VPS54: variants seen among roughly 807,000 people sequenced by gnomAD.
The protein encoded by VPS54 is vacuolar protein sorting-associated protein 54.
Under a neutral mutation model 121.5 loss-of-function variants are expected in VPS54, and 45 were observed. That is an observed-to-expected ratio of 0.37 (90% CI 0.29 to 0.47). VPS54 has a LOEUF of 0.47. Ranked by LOEUF, VPS54 falls within the 20% of genes least tolerant of loss-of-function variation. VPS54 has a pLI of 0.99. For synonymous variants in VPS54, 371 were observed against 385.8 expected (o/e 0.96, Z 0.45); for missense variants, 1,090 against 1,131.4 (o/e 0.96, Z 0.52).
intron 12 of VPS54, among the ~76,000 whole-genome samples, chr2:63,933,095 A>C (rs1213938140): frequency 6.6e-6 from 1 of 152,192 alleles, no homozygotes; most frequent in African/African-American, 2.4e-5. Flanking sequence ...GTAAAGTATT[A>C]ACACCTGGGG....
chr2:63,988,999 G>A (rs539466756), intron 1 of VPS54, among the ~76,000 whole-genome samples: 37 of 152,248 alleles, frequency 2.4e-4, no homozygotes, highest in East Asian at 1.7e-3. Flanking sequence ...ATGCATTCTC[G>A]GCCGGGAAGG....
In VPS54 at chr2:63,910,197, T is replaced by C. The variant is rs188417169; in HGVS notation, c.2625+2148A>G. On this transcript the variant is annotated intron_variant, in intron 20 of 22. Transcript: ENST00000272322. Reference sequence around the variant, plus strand: ...CAGGGTCAAACTCCTGAGCAACACATGAAAGCAAACAGAATAGGGAGTGGC... The same window carrying C: ...CAGGGTCAAACTCCTGAGCAACACACGAAAGCAAACAGAATAGGGAGTGGC... Among the ~76,000 whole-genome samples the C allele has an allele frequency of 1.2e-4, 19 of 152,196 alleles. No homozygotes were observed. In the East Asian group the frequency reaches 2.5e-3, roughly 20 times the overall value.
chr2:63,897,996 G>A (rs1430911784), intron 21 of VPS54, among the ~76,000 whole-genome samples: 1 of 152,126 alleles, frequency 6.6e-6, no homozygotes, highest in Non-Finnish European at 1.5e-5. Flanking sequence ...TGCATGCAAT[G>A]ACCCAATATT....
chr2:63,970,437 T>C (rs1220752676), intron 4 of VPS54, among the ~76,000 whole-genome samples: 1 of 151,824 alleles, frequency 6.6e-6, no homozygotes, highest in East Asian at 1.9e-4. Flanking sequence ...ATTCTTCCAC[T>C]CTGTTCCCTG....
chr2:63,953,184 T>C (rs1675337665), intron 7 of VPS54, among the ~76,000 whole-genome samples: 1 of 146,856 alleles, frequency 6.8e-6, no homozygotes, highest in Non-Finnish European at 1.5e-5. Flanking sequence ...TAGGCTGGAG[T>C]GTAGTGGTGC....
chr2:63,949,856 T>C (rs906366515), intron 7 of VPS54, among the ~76,000 whole-genome samples: 7 of 152,242 alleles, frequency 4.6e-5, no homozygotes, highest in African/African-American at 1.7e-4. Context: ...CCATTTGCTT[T>C]AGTTTCAGTG....
intron 1 of VPS54, among the ~76,000 whole-genome samples, chr2:63,998,541 G>A (rs1421808748): frequency 6.6e-6 from 1 of 151,688 alleles, no homozygotes; most frequent in African/African-American, 2.4e-5. Flanking sequence ...TTAATGTCTT[G>A]GTTTCTTAAT....
At chr2:63,995,453 G>C (rs1429075094) in intron 1 of VPS54, among the ~76,000 whole-genome samples, 1 of 152,238 alleles carries the variant, frequency 6.6e-6, no homozygotes, top group East Asian at 1.9e-4. Context: ...AAGTGTTACA[G>C]CGAATTCTTT....
intron 22 of VPS54, among the ~76,000 whole-genome samples, chr2:63,895,630 TTA>T (rs1194837622): frequency 1.3e-5 from 2 of 152,182 alleles, no homozygotes; most frequent in African/African-American, 4.8e-5. Context: ...ATAGTTAATT[TTA>T]TGTTATGTGA....
chr2:63,909,094 C>T (rs1349644993), intron 20 of VPS54, among the ~76,000 whole-genome samples: 1 of 152,198 alleles, frequency 6.6e-6, no homozygotes, highest in East Asian at 1.9e-4. Flanking sequence ...ATCTCCTTCA[C>T]CAGCTGACAC....
intron 12 of VPS54, among the ~76,000 whole-genome samples, chr2:63,926,298 T>G (rs537123546): frequency 1.2e-4 from 19 of 152,288 alleles, no homozygotes; most frequent in African/African-American, 4.3e-4. Flanking sequence ...GCTACAGAGT[T>G]TTTACATCTC....
intron 20 of VPS54, among the ~76,000 whole-genome samples, chr2:63,901,011 C>T (rs1347219914): frequency 2.6e-5 from 4 of 152,284 alleles, no homozygotes; most frequent in South Asian, 2.1e-4. Context: ...CCACCAGCCT[C>T]GGCCTCCCAA....
At chr2:64,014,880 T>C (rs893109462) in intron 1 of VPS54, among the ~76,000 whole-genome samples, 2 of 152,134 alleles carry the variant, frequency 1.3e-5, no homozygotes, top group Non-Finnish European at 2.9e-5. Flanking sequence ...GCAAAAGTGA[T>C]CTCAACTGTC....
chr2:63,894,534 T>G (rs1672359077), intron 22 of VPS54, among the ~76,000 whole-genome samples: 1 of 151,980 alleles, frequency 6.6e-6, no homozygotes, highest in South Asian at 2.1e-4. Context: ...AGACCTCGTC[T>G]CTACAAAAAA....
rs1678869809 is a variant in VPS54 at position 64,019,373 on chromosome 2, CGGT to C, written c.-459_-457del. 2.0e-5 allele frequency among the ~76,000 whole-genome samples: 3 copies of C among 151,198 alleles called. No homozygotes were observed. Among genetic ancestry groups the C allele is most frequent in the Non-Finnish European group, 4.4e-5 (3 of 67,762 alleles). ...CCCCGCCGGCCCAGCCGGCTCGGCC[CGGT>C]CGGGTGCGGGGAGACAGCGCCGGAG... On this transcript the variant is annotated 5_prime_UTR_variant, in exon 1 of 23. Coordinates refer to ENST00000272322, the MANE Select transcript of VPS54 (RefSeq NM_016516.3).
At position 63,965,818 on chromosome 2, in the gene VPS54, A is replaced by C. The variant is rs1263847876; in HGVS notation, c.624+17T>G. ...CTAGAATAGTTTCCTACATGGAAAA[A>C]GTCAAAAAGAAATTACCTTTTCTTG... On this transcript the variant is annotated intron_variant, in intron 6 of 22. Transcript: ENST00000272322. The C allele has an allele frequency of 6.2e-7, 1 of 1,608,756 alleles. No individual in the cohort carries two copies. Among genetic ancestry groups the C allele is most frequent in the Non-Finnish European group, 8.5e-7 (1 of 1,178,838 alleles).
chr2:63,908,457 G>T (rs1274416012), intron 20 of VPS54, among the ~76,000 whole-genome samples: 3 of 152,080 alleles, frequency 2.0e-5, no homozygotes, highest in Non-Finnish European at 4.4e-5. Flanking sequence ...GCTTACCAAT[G>T]ATGTTCTATA....
chr2:63,951,084 C>G (rs1323542843), intron 7 of VPS54, among the ~76,000 whole-genome samples: 1 of 152,008 alleles, frequency 6.6e-6, no homozygotes, highest in Non-Finnish European at 1.5e-5. Flanking sequence ...GTATGCCTTT[C>G]TCATAGTAAG....
chr2:63,895,185 G>C (rs572210606), intron 22 of VPS54, among the ~76,000 whole-genome samples: 81 of 152,306 alleles, frequency 5.3e-4, no homozygotes, highest in Non-Finnish European at 6.6e-4. Context: ...GCCGGGTGCA[G>C]TGGCTCATAC....
Sources: gnomAD v4.1 joint callset for allele counts (sites outside exome capture counted in the v4.1 genomes callset) on GRCh38, gnomAD v4.1.1 for gene constraint, MANE v1.5 for transcripts, NCBI Gene and HGNC (gene_info 2026-07-23, HGNC 2026-07-21) for gene names.